Variants in CDK14 observed in about 807,000 individuals in gnomAD.
CDK14 encodes the protein cyclin dependent kinase 14.
In CDK14, 34 loss-of-function variants were observed where a neutral mutation model predicts 60.7. The ratio of observed to expected loss-of-function variants is 0.56; its 90% CI spans 0.43 to 0.75. CDK14 has a LOEUF of 0.75. Among genes scored for constraint, CDK14 ranks in the 30% least tolerant of loss-of-function variants. The pLI is 0.00. For synonymous variants in CDK14, 197 were observed against 203.7 expected (o/e 0.97, Z 0.28); for missense variants, 482 against 564.1 (o/e 0.85, Z 1.47).
intron 1 of CDK14, among the ~76,000 whole-genome samples, chr7:90,601,605 G>A (rs1481389858): frequency 6.6e-6 from 1 of 152,130 alleles, no homozygotes; most frequent in South Asian, 2.1e-4. Context: ...CCACCTCTTT[G>A]TCCAGAATGT....
intron 9 of CDK14, among the ~76,000 whole-genome samples, chr7:90,967,046 C>T (rs754100211): frequency 6.6e-6 from 1 of 151,312 alleles, no homozygotes; most frequent in Non-Finnish European, 1.5e-5. Context: ...AGGGCAAGAA[C>T]CAGGTCTTTC....
chr7:90,684,484 CTTG>C lies in CDK14; in HGVS notation c.124-42079_124-42077del, dbSNP rs1801389317. On this transcript the variant is annotated intron_variant, in intron 2 of 14. Transcript: ENST00000380050. ...TCAGTTTTATTCCTTCTTCCCCATCCTTGTTGATTTAACTTTATTTTTTGAATG... is the reference window on the plus strand; with the variant it reads ...TCAGTTTTATTCCTTCTTCCCCATCCTTGATTTAACTTTATTTTTTGAATG... Among the ~76,000 whole-genome samples the C allele has an allele frequency of 4.6e-5, 7 of 152,284 alleles. No individual in the cohort carries two copies. The South Asian group carries it at 1.5e-3, about 32-fold the overall frequency.
intron 3 of CDK14, 93 bp from the exon 4 acceptor site, chr7:90,747,588 A>G: frequency 1.4e-6 from 1 of 702,724 alleles, no homozygotes; most frequent in Non-Finnish European, 2.4e-6. Flanking sequence ...TTAAAAAGTG[A>G]CAGAGAATCT....
intron 2 of CDK14, among the ~76,000 whole-genome samples, chr7:90,612,286 A>G (rs749976529): frequency 6.6e-6 from 1 of 152,016 alleles, no homozygotes; most frequent in African/African-American, 2.4e-5. Context: ...TTCCCAAAAC[A>G]TCTTTCTTGT....
At chr7:91,037,847 T>G (rs2115979949) in intron 10 of CDK14, among the ~76,000 whole-genome samples, 1 of 152,366 alleles carries the variant, frequency 6.6e-6, no homozygotes, top group South Asian at 2.1e-4. Flanking sequence ...CCCATCTTAT[T>G]TAGTTTTTGT....
intron 10 of CDK14, among the ~76,000 whole-genome samples, chr7:91,007,394 A>G (rs1358539694): frequency 6.6e-6 from 1 of 152,210 alleles, no homozygotes; most frequent in African/African-American, 2.4e-5. Context: ...CAAAGCATAC[A>G]CTGTGCATAG....
chr7:91,096,168 C>T (rs117725832), intron 12 of CDK14, among the ~76,000 whole-genome samples: 137 of 151,750 alleles, frequency 9.0e-4, no homozygotes, highest in Non-Finnish European at 1.7e-3. Context: ...GTCTTCACAC[C>T]GTTCTCTCTT....
chr7:91,205,091 A>G (rs549126799), intron 14 of CDK14, among the ~76,000 whole-genome samples: 2 of 152,318 alleles, frequency 1.3e-5, no homozygotes, highest in South Asian at 4.1e-4. Flanking sequence ...GCTGGTGGAA[A>G]TGTGAAATGG....
intron 2 of CDK14, among the ~76,000 whole-genome samples, chr7:90,654,694 A>T (rs1800716711): frequency 6.6e-6 from 1 of 152,162 alleles, no homozygotes; most frequent in Non-Finnish European, 1.5e-5. Context: ...CTCAACTTTC[A>T]GTTTACAGGA....
intron 2 of CDK14, among the ~76,000 whole-genome samples, chr7:90,618,652 A>G (rs1246046494): frequency 1.3e-5 from 2 of 152,176 alleles, no homozygotes; most frequent in Non-Finnish European, 2.9e-5. Context: ...ATGTTTTATA[A>G]TGATTGGCCG....
intron 2 of CDK14, among the ~76,000 whole-genome samples, chr7:90,681,099 C>A (rs1165568556): frequency 6.6e-6 from 1 of 152,142 alleles, no homozygotes; most frequent in African/African-American, 2.4e-5. Context: ...CTCTTATGTT[C>A]TGTTATTCCC....
intron 4 of CDK14, among the ~76,000 whole-genome samples, chr7:90,785,877 G>A (rs1367595963): frequency 1.3e-5 from 2 of 152,012 alleles, no homozygotes; most frequent in Non-Finnish European, 2.9e-5. Context: ...GCACACAGAT[G>A]TGTGGACAGA....
chr7:91,098,110 TTGC>T (rs1799049277), intron 12 of CDK14, among the ~76,000 whole-genome samples: 1 of 152,244 alleles, frequency 6.6e-6, no homozygotes. Context: ...AATCCAATTC[TTGC>T]TTTAGACATA....
chr7:91,002,257 A>G (rs1795858846), intron 10 of CDK14, among the ~76,000 whole-genome samples: 1 of 152,238 alleles, frequency 6.6e-6, no homozygotes, highest in South Asian at 2.1e-4. Flanking sequence ...ACATACTATG[A>G]GAAGCACTAG....
intron 10 of CDK14, among the ~76,000 whole-genome samples, chr7:91,045,317 G>A (rs1016443125): frequency 1.3e-5 from 2 of 152,186 alleles, no homozygotes; most frequent in Admixed American, 6.5e-5. Flanking sequence ...AAAGAAGGTA[G>A]ACATATGGAT....
At chr7:91,191,133 T>TTGA (rs1802348038) in intron 14 of CDK14, among the ~76,000 whole-genome samples, 1 of 152,302 alleles carries the variant, frequency 6.6e-6, no homozygotes, top group Admixed American at 6.5e-5. Flanking sequence ...TGCTCAGTTC[T>TTGA]TGATATGGCT....
intron 9 of CDK14, among the ~76,000 whole-genome samples, chr7:90,982,030 A>G (rs1229508026): frequency 2.0e-5 from 3 of 152,294 alleles, no homozygotes; most frequent in East Asian, 1.9e-4. Context: ...CTGTCTGTCC[A>G]TACTATGGAT....
intron 2 of CDK14, among the ~76,000 whole-genome samples, chr7:90,667,579 T>A (rs1801009876): frequency 6.6e-6 from 1 of 152,036 alleles, no homozygotes; most frequent in Non-Finnish European, 1.5e-5. Context: ...TCCGTACTTT[T>A]TTTTTTTTTT....
intron 9 of CDK14, among the ~76,000 whole-genome samples, chr7:90,972,907 G>A (rs1722369539): frequency 6.6e-6 from 1 of 152,156 alleles, no homozygotes; most frequent in Non-Finnish European, 1.5e-5. Context: ...AGGATCTCAG[G>A]CCTCAACCCA....
Sources: gnomAD v4.1 joint callset for allele counts (sites outside exome capture counted in the v4.1 genomes callset) on GRCh38, gnomAD v4.1.1 for gene constraint, MANE v1.5 for transcripts, NCBI Gene and HGNC (gene_info 2026-07-23, HGNC 2026-07-21) for gene names.